The following ODAD2 variants were observed in gnomAD, a reference collection of about 807,000 sequenced individuals.
ODAD2 encodes the protein outer dynein arm docking complex subunit 2, also known as outer dynein arm-docking complex subunit 2.
In ODAD2, 89 loss-of-function variants were observed where a neutral mutation model predicts 106.8. The observed-to-expected ratio is 0.83, with a 90% CI of 0.70 to 0.99. The LOEUF (loss-of-function observed/expected upper bound fraction) is 0.99, where lower values mean the gene tolerates loss of function less well. Among genes scored for constraint, ODAD2 ranks in the 50% least tolerant of loss-of-function variants. The pLI is 0.00. For synonymous variants in ODAD2, 404 were observed against 436.2 expected (o/e 0.93, Z 0.92); for missense variants, 1,168 against 1,238.5 (o/e 0.94, Z 0.85).
At chr10:27,968,118 C>T (rs1325926889) in intron 9 of ODAD2, among the ~76,000 whole-genome samples, 1 of 151,350 alleles carries the variant, frequency 6.6e-6, no homozygotes, top group Non-Finnish European at 1.5e-5. Flanking sequence ...TATGAACATG[C>T]TTGAAACAAA....
At chr10:27,817,045 C>T (rs569344031) in intron 19 of ODAD2, among the ~76,000 whole-genome samples, 2 of 152,220 alleles carry the variant, frequency 1.3e-5, no homozygotes, top group Admixed American at 6.5e-5. Flanking sequence ...CCACCGTGCC[C>T]GGCCTGTTAT....
intron 9 of ODAD2, among the ~76,000 whole-genome samples, chr10:27,967,490 C>T (rs1304326049): frequency 3.9e-5 from 6 of 152,204 alleles, no homozygotes; most frequent in Non-Finnish European, 8.8e-5. Context: ...ACCCCCCAGG[C>T]ATCAGTGAAG....
rs545755950 is a variant in ODAD2, at chr10:27,957,055, A to G, written c.1386+4513T>C. The G allele has an allele frequency of 5.3e-5, 8 of 152,328 alleles. 1 individual carries two copies. The South Asian group carries it at 1.5e-3, about 28-fold the overall frequency. The allele number at this position is 152,328 out of a possible 1,614,324, so 9.4% of individuals were successfully genotyped here. ...ATTTAGTATGGAGCCTAGAGACATT[A>G]ACAAACCATCTCCTTTAATCTCTGG... On this transcript the variant is annotated intron_variant, in intron 10 of 19. Coordinates refer to ENST00000305242, the MANE Select transcript of ODAD2 (RefSeq NM_018076.5).
chr10:27,924,008 A>AAGAAAGAAAGAAAGAGAGAG (rs1564509242), intron 16 of ODAD2, among the ~76,000 whole-genome samples: 3 of 104,248 alleles, frequency 2.9e-5, no homozygotes, highest in African/African-American at 4.1e-5. Flanking sequence ...GAAAGAAAGA[A>AAGAAAGAAAGAAAGAGAGAG]AGAAAGAAAG....
intron 17 of ODAD2, among the ~76,000 whole-genome samples, chr10:27,864,750 G>A (rs753623632): frequency 2.6e-5 from 4 of 152,018 alleles, no homozygotes; most frequent in Non-Finnish European, 5.9e-5. Context: ...ATGGGGGTGA[G>A]TGTAATGTCC....
intron 16 of ODAD2, among the ~76,000 whole-genome samples, chr10:27,916,123 A>C (rs1373424021): frequency 6.6e-6 from 1 of 152,120 alleles, no homozygotes; most frequent in East Asian, 1.9e-4. Context: ...ATCCCCACTG[A>C]GAATTAGCCT....
chr10:27,916,342 G>A (rs765989947), intron 16 of ODAD2, among the ~76,000 whole-genome samples: 24 of 152,284 alleles, frequency 1.6e-4, no homozygotes, highest in Non-Finnish European at 3.1e-4. Flanking sequence ...AGCACAGGGT[G>A]AAGAGAGCAT....
chr10:27,815,734 C>T (rs1278231789), intron 19 of ODAD2, among the ~76,000 whole-genome samples: 1 of 152,152 alleles, frequency 6.6e-6, no homozygotes, highest in Non-Finnish European at 1.5e-5. Context: ...ACAAATTCCC[C>T]TTCTGTTTTC....
chr10:27,899,479 T>C (rs1843053765), intron 17 of ODAD2, among the ~76,000 whole-genome samples: 1 of 151,654 alleles, frequency 6.6e-6, no homozygotes. Context: ...TTCACACTCC[T>C]GGAAAGGAGG....
chr10:27,886,216 C>A (rs1442120893), intron 17 of ODAD2, among the ~76,000 whole-genome samples: 14 of 150,310 alleles, frequency 9.3e-5, no homozygotes, highest in African/African-American at 3.4e-4. Flanking sequence ...ATAATCACAC[C>A]AAGACACCAC....
chr10:27,868,477 T>C (rs945463319), intron 17 of ODAD2, among the ~76,000 whole-genome samples: 1 of 152,182 alleles, frequency 6.6e-6, no homozygotes, highest in Non-Finnish European at 1.5e-5. Flanking sequence ...GGTAGATATA[T>C]ACACCATGGA....
chr10:27,889,593 G>A (rs571211576), intron 17 of ODAD2, among the ~76,000 whole-genome samples: 1 of 152,166 alleles, frequency 6.6e-6, no homozygotes, highest in South Asian at 2.1e-4. Context: ...CAACCTCAAA[G>A]TCTCTGCAGT....
At chr10:27,979,209 G>A (rs1383646870) in intron 7 of ODAD2, among the ~76,000 whole-genome samples, 16 of 138,952 alleles carry the variant, frequency 1.2e-4, no homozygotes, top group African/African-American at 4.4e-4. Flanking sequence ...GTGACAGAGT[G>A]AGATGGAGTG....
intron 19 of ODAD2, among the ~76,000 whole-genome samples, chr10:27,846,216 G>A (rs370643825): frequency 0.011 from 1,658 of 151,922 alleles, 26 homozygotes; most frequent in African/African-American, 0.037. Context: ...AAATTATAAC[G>A]AACTGTCTCT....
At chr10:27,868,640 A>G (rs1284456136) in intron 17 of ODAD2, among the ~76,000 whole-genome samples, 5 of 152,152 alleles carry the variant, frequency 3.3e-5, no homozygotes, top group Admixed American at 6.6e-5. Flanking sequence ...ATGAGAACAC[A>G]TAGATACAGG....
chr10:27,854,443 G>A (rs1048251764), intron 19 of ODAD2, among the ~76,000 whole-genome samples: 23 of 152,088 alleles, frequency 1.5e-4, no homozygotes, highest in African/African-American at 4.8e-4. Context: ...AACCCAAACC[G>A]GAAATAAATA....
chr10:27,842,111 A>G (rs1247052536), intron 19 of ODAD2, among the ~76,000 whole-genome samples: 1 of 152,134 alleles, frequency 6.6e-6, no homozygotes, highest in African/African-American at 2.4e-5. Flanking sequence ...ACTTCCCTGT[A>G]TAAAATGGGT....
At chr10:27,827,096 TA>T (rs1170379908) in intron 19 of ODAD2, among the ~76,000 whole-genome samples, 3 of 152,300 alleles carry the variant, frequency 2.0e-5, no homozygotes, top group African/African-American at 7.2e-5. Context: ...CTCTTGTGCT[TA>T]AAATATTCTC....
intron 16 of ODAD2, among the ~76,000 whole-genome samples, chr10:27,924,613 G>GA (rs1474804307): frequency 1.8e-4 from 2 of 11,298 alleles, no homozygotes; most frequent in African/African-American, 5.1e-4. Context: ...TTGATTAGGA[G>GA]GAAAAAAAAA....
Sources: gnomAD v4.1 joint callset for allele counts (sites outside exome capture counted in the v4.1 genomes callset) on GRCh38, gnomAD v4.1.1 for gene constraint, MANE v1.5 for transcripts, NCBI Gene and HGNC (gene_info 2026-07-23, HGNC 2026-07-21) for gene names.